Variants in MALAT1 observed in about 807,000 individuals in gnomAD.
MALAT1 encodes the protein hepcarcin.
exon 4 of MALAT1, chr11:65,506,420 A>C (rs1047704426): frequency 2.7e-6 from 1 of 369,576 alleles, no homozygotes; most frequent in Non-Finnish European, 5.3e-6. Flanking sequence ...GAGAAGCCCT[A>C]CTGCTGAAAA....
chr11:65,502,126 T>G (rs1296322440), exon 3 of MALAT1: 1 of 516,056 alleles, frequency 1.9e-6, no homozygotes, highest in African/African-American at 1.9e-5. Context: ...TGTCATAATT[T>G]GATACTGTAT....
At chr11:65,498,767 G>T in intron 2 of MALAT1, 1 of 518,944 alleles carries the variant, frequency 1.9e-6, no homozygotes, top group South Asian at 1.4e-5. Flanking sequence ...TTTGTGAGGT[G>T]TTTGATGACC....
At chr11:65,500,078 G>C (rs1249183550) in exon 3 of MALAT1, 1 of 455,774 alleles carries the variant, frequency 2.2e-6, no homozygotes, top group Admixed American at 2.4e-5. Context: ...AGCTTGAGAA[G>C]ATGAGGGTGT....
At chr11:65,498,762 G>GAA (rs1232693599) in intron 2 of MALAT1, 2 of 518,940 alleles carry the variant, frequency 3.9e-6, no homozygotes, top group Non-Finnish European at 3.8e-6. Context: ...GGGGTTTTGT[G>GAA]AGGTGTTTGA....
intron 1 of MALAT1, chr11:65,498,422 T>C (rs867683888): frequency 3.9e-6 from 2 of 518,474 alleles, no homozygotes; most frequent in Non-Finnish European, 3.8e-6. Flanking sequence ...AGCAGCTCTG[T>C]GGTGTGGGAT....
exon 3 of MALAT1, chr11:65,502,112 A>G (rs755758221): frequency 1.2e-5 from 6 of 515,780 alleles, no homozygotes; most frequent in South Asian, 8.5e-5. Context: ...TTGGGCAAGG[A>G]AAGTGTCATA....
exon 3 of MALAT1, chr11:65,501,926 A>G (rs746190866): frequency 1.9e-6 from 1 of 517,682 alleles, no homozygotes; most frequent in South Asian, 1.4e-5. Context: ...TGTTTAGTTT[A>G]TGATTGCAGA....
In MALAT1 at chr11:65,499,543, A is replaced by G. The variant is rs771904582; in HGVS notation, n.806A>G. The G allele has an allele frequency of 6.5e-6, 3 of 458,680 alleles. No individual in the cohort carries two copies. In the East Asian group the frequency reaches 1.9e-4, roughly 29 times the overall value. The allele number at this position is 458,680 out of a possible 1,614,324, so 28.4% of individuals were successfully genotyped here. On this transcript the variant is annotated non_coding_transcript_exon_variant, in exon 3 of 4. Coordinates refer to ENST00000619449, the Ensembl canonical transcript of MALAT1. The stretch of plus-strand genomic sequence containing the variant: ...TAAAAGACCTTGAAATCCATGACGC[A>G]GGGAGAATTGCGTCATTTAAAGCCT...
chr11:65,505,231 T>C (rs765915816), intron 3 of MALAT1: 1 of 518,348 alleles, frequency 1.9e-6, no homozygotes, highest in African/African-American at 1.9e-5. Context: ...AGGACAACCA[T>C]GGAGCCTTCC....
At chr11:65,498,112 CAAA>C (rs766048271) in intron 1 of MALAT1, 3 of 518,924 alleles carry the variant, frequency 5.8e-6, no homozygotes, top group East Asian at 1.1e-4. Flanking sequence ...ATCTGCAAAA[CAAA>C]AACCCCTAAA....
exon 3 of MALAT1, chr11:65,499,245 G>T (rs1159352802): frequency 4.0e-6 from 2 of 504,212 alleles, no homozygotes; most frequent in Admixed American, 2.1e-5. Flanking sequence ...GAGAAAATAT[G>T]AAGACTTAGA....
At chr11:65,505,495 T>A (rs1590707709) in intron 3 of MALAT1, 1 of 515,180 alleles carries the variant, frequency 1.9e-6, no homozygotes, top group East Asian at 5.5e-5. Flanking sequence ...GGCAACCACT[T>A]TTCCCTAGCT....
intron 3 of MALAT1, chr11:65,505,090 C>T (rs774620441): frequency 3.9e-6 from 2 of 518,892 alleles, no homozygotes; most frequent in African/African-American, 3.8e-5. Context: ...GAATAGATTT[C>T]AGCTTTATGC....
At chr11:65,497,784 C>CT (rs373307413) in exon 1 of MALAT1, 63 of 477,350 alleles carry the variant, frequency 1.3e-4, no homozygotes, top group African/African-American at 1.2e-3. Context: ...GGCCCCGCAA[C>CT]TGGCCTCTCC....
At chr11:65,501,157 T>A (rs1295633857) in exon 3 of MALAT1, 1 of 516,632 alleles carries the variant, frequency 1.9e-6, no homozygotes, top group African/African-American at 2.0e-5. Context: ...TTTTACTTCC[T>A]CACCCTGAAT....
chr11:65,502,888 T>G (rs765044216), exon 3 of MALAT1: 1 of 491,432 alleles, frequency 2.0e-6, no homozygotes, highest in South Asian at 1.5e-5. Flanking sequence ...TAAAGTTAAT[T>G]GCTTGTCAAG....
chr11:65,505,297 C>T (rs991690895), intron 3 of MALAT1: 5 of 518,770 alleles, frequency 9.6e-6, no homozygotes, highest in Non-Finnish European at 1.9e-5. Context: ...AAGTGTCAGC[C>T]TCACCTGATT....
At chr11:65,501,453 T>C (rs1320250623) in exon 3 of MALAT1, 3 of 514,300 alleles carry the variant, frequency 5.8e-6, no homozygotes, top group Admixed American at 2.0e-5. Context: ...TACTCTTTTT[T>C]CCCCCCACCC....
chr11:65,504,576 T>C, intron 3 of MALAT1: 1 of 518,910 alleles, frequency 1.9e-6, no homozygotes, highest in Non-Finnish European at 3.8e-6. Flanking sequence ...GCTGAGTACA[T>C]TTTGCTGGTG....
Sources: allele counts gnomAD v4.1 joint callset, GRCh38; gene constraint gnomAD v4.1.1; transcripts MANE v1.5; gene names NCBI Gene and HGNC (gene_info 2026-07-23, HGNC 2026-07-21).